The following RPAP2 variants were observed in gnomAD, a reference collection of about 807,000 sequenced individuals.
RPAP2 encodes putative RNA polymerase II subunit B1 CTD phosphatase RPAP2.
RPAP2 carries 52 observed loss-of-function variants against 73.1 expected under a neutral mutation model. That is an observed-to-expected ratio of 0.71 (90% CI 0.57 to 0.90). The LOEUF is 0.90. Ranked by LOEUF, RPAP2 falls within the 40% of genes least tolerant of loss-of-function variation. The probability of loss-of-function intolerance (pLI) is 0.00; values close to 1 mark genes in which losing one functional copy is unlikely to be tolerated. For missense variants in RPAP2, 598 were observed against 701.8 expected (o/e 0.85, Z 1.67); for synonymous variants, 225 against 242.1 (o/e 0.93, Z 0.65).
intron 6 of RPAP2, among the ~76,000 whole-genome samples, chr1:92,314,050 C>T (rs1177822956): frequency 6.6e-6 from 1 of 152,182 alleles, no homozygotes; most frequent in Non-Finnish European, 1.5e-5. Flanking sequence ...CCTATCCAGA[C>T]CACTAAAACT....
At position 92,300,220 on chromosome 1, in the gene RPAP2, CAAG is replaced by C. The variant is rs1489340679; in HGVS notation, c.105_107del (p.Glu35del). 5 of 1,609,876 alleles carry C rather than the reference CAAG, an allele frequency of 3.1e-6. No homozygotes were observed. Among genetic ancestry groups the C allele is most frequent in the Non-Finnish European group, 4.2e-6 (5 of 1,176,650 alleles). The stretch of plus-strand genomic sequence containing the variant: ...TACTAAACAGACAAGTACTTTGAAA[CAAG>C]AAGATGCTTCTAAAAGGTATGACAG... On this transcript the variant is annotated inframe_deletion, in exon 2 of 13. Transcript: ENST00000610020.
intron 10 of RPAP2, among the ~76,000 whole-genome samples, chr1:92,342,700 G>C (rs1031201872): frequency 9.9e-5 from 15 of 152,134 alleles, no homozygotes; most frequent in African/African-American, 3.6e-4. Context: ...GTAATAAGAA[G>C]TGATCAGATC....
chr1:92,304,681 G>A (rs1033387431), intron 5 of RPAP2, among the ~76,000 whole-genome samples: 9 of 152,120 alleles, frequency 5.9e-5, no homozygotes, highest in East Asian at 1.9e-4. Flanking sequence ...ATATGACAGC[G>A]GGAGTATTGT....
chr1:92,369,142 T>TA (rs1179439462), intron 11 of RPAP2, among the ~76,000 whole-genome samples: 1 of 152,244 alleles, frequency 6.6e-6, no homozygotes, highest in Non-Finnish European at 1.5e-5. Flanking sequence ...TGTTTTTACT[T>TA]ACAGCCAATC....
chr1:92,323,464 G>C lies in RPAP2; in HGVS notation c.544G>C (p.Val182Leu). The C allele has an allele frequency of 6.3e-7, 1 of 1,595,912 alleles. No individual in the cohort carries two copies. The highest frequency in any genetic ancestry group is 1.1e-5 in the South Asian group (1 of 88,540). Reference protein sequence around the residue: ...EEQSGHSGEEVQLCSKAIKTS... With the variant: ...EEQSGHSGEELQLCSKAIKTS... Reference sequence around the variant, plus strand: ...CTACAGTGGCCATTCTGGAGAAGAAGTACAGTTATGCAGTAAAGCCATTAA... The same window carrying C: ...CTACAGTGGCCATTCTGGAGAAGAACTACAGTTATGCAGTAAAGCCATTAA... Residue 182 changes from valine to leucine, a missense_variant, in exon 8 of 13, where the codon GTA becomes CTA. Transcript: ENST00000610020.
At chr1:92,375,581 A>G (rs1009543564) in intron 11 of RPAP2, among the ~76,000 whole-genome samples, 3 of 152,184 alleles carry the variant, frequency 2.0e-5, no homozygotes, top group African/African-American at 7.2e-5. Flanking sequence ...CTGTAATCTC[A>G]GCACTTTGGG....
chr1:92,314,900 C>A (rs1052263385), intron 6 of RPAP2, among the ~76,000 whole-genome samples: 11 of 151,470 alleles, frequency 7.3e-5, no homozygotes, highest in Admixed American at 7.2e-4. Flanking sequence ...CAAAAATTAA[C>A]CGGGCATGGT....
chr1:92,331,593 G>A (rs923727619), intron 8 of RPAP2, among the ~76,000 whole-genome samples: 2 of 152,034 alleles, frequency 1.3e-5, no homozygotes, highest in African/African-American at 4.8e-5. Flanking sequence ...TGGACAATTA[G>A]CACCTTAGCA....
intron 11 of RPAP2, among the ~76,000 whole-genome samples, chr1:92,373,889 A>G (rs1655278901): frequency 6.6e-6 from 1 of 151,998 alleles, no homozygotes; most frequent in African/African-American, 2.4e-5. Context: ...ATTGTACTCC[A>G]GTCTGGGCAA....
intron 10 of RPAP2, 41 bp downstream of exon 10, chr1:92,336,468 A>C: frequency 1.5e-6 from 2 of 1,376,084 alleles, no homozygotes; most frequent in Non-Finnish European, 2.1e-6. Flanking sequence ...AATTATTTTG[A>C]CTTTATTTAT....
chr1:92,337,600 C>T (rs982146445), intron 10 of RPAP2, among the ~76,000 whole-genome samples: 4 of 152,092 alleles, frequency 2.6e-5, no homozygotes, highest in Non-Finnish European at 5.9e-5. Flanking sequence ...TTAAAACATT[C>T]TTCTAGAGTC....
chr1:92,320,668 T>A (rs548723352), intron 7 of RPAP2, 34 bp downstream of exon 7: 1 of 1,550,418 alleles, frequency 6.4e-7, no homozygotes, highest in African/African-American at 1.4e-5. Flanking sequence ...ACCATTTATA[T>A]ATTTATGTTA....
rs767184646 is a variant in RPAP2 at position 92,323,675 on chromosome 1, C to T, written c.755C>T (p.Ala252Val). Residue 252 changes from alanine (A) to valine (V), a missense_variant, in exon 8 of 13, where the codon GCT becomes GTT. Around this residue, in one of 3 missense-constraint regions of RPAP2, gnomAD observed 506 missense variants for 612.8 expected, o/e 0.83. Coordinates refer to ENST00000610020, the MANE Select transcript of RPAP2 (RefSeq NM_024813.3). ...CAAAAAAGCATAATGAAAAAGAAAGCTGGTCACAAAGCTAACTCCAAACAC... is the reference window on the plus strand; with the variant it reads ...CAAAAAAGCATAATGAAAAAGAAAGTTGGTCACAAAGCTAACTCCAAACAC... Reference protein sequence around the residue: ...LHQKSIMKKKAGHKANSKHKD... With the variant: ...LHQKSIMKKKVGHKANSKHKD... 6.8e-6 allele frequency: 11 copies of T among 1,613,578 alleles called. No individual in the cohort carries two copies. The highest frequency in any genetic ancestry group is 8.5e-6 in the Non-Finnish European group (10 of 1,179,850).
intron 11 of RPAP2, among the ~76,000 whole-genome samples, chr1:92,370,699 G>GAC (rs1467325630): frequency 4.0e-5 from 6 of 151,534 alleles, no homozygotes; most frequent in Admixed American, 6.6e-5. Flanking sequence ...ACTTTGGTGA[G>GAC]ACTTTAAAAA....
Position 92,380,896 on chromosome 1 carries a change from T to G in RPAP2, c.1838+23T>G, listed in dbSNP as rs1266566142. 5 of 1,533,544 alleles carry G rather than the reference T, an allele frequency of 3.3e-6. No homozygotes were observed. In the African/African-American group the frequency reaches 5.7e-5, roughly 17 times the overall value. The allele number at this position is 1,533,544 out of a possible 1,614,324, so 95.0% of individuals were successfully genotyped here. A position where few individuals can be genotyped will look rare whatever the true frequency, so the allele number is the denominator to read the frequency against. Reference sequence around the variant, plus strand: ...GTGGTAAGTTGGATTGTGTTTTATTTTGGTTTTTATTCTTCATTTGTTGCC... The same window carrying G: ...GTGGTAAGTTGGATTGTGTTTTATTGTGGTTTTTATTCTTCATTTGTTGCC... On this transcript the variant is annotated intron_variant, in intron 12 of 12. Transcript: ENST00000610020.
rs968574321 is a variant in RPAP2 at position 92,390,424 on chromosome 1, C to G, written c.*3413C>G. On this transcript the variant is annotated 3_prime_UTR_variant, in exon 13 of 13. Coordinates refer to ENST00000610020, the MANE Select transcript of RPAP2 (RefSeq NM_024813.3). ...TAAAATGGACAGGAACAACCAGTAC[C>G]AGCCACTGCAAAAACATGCCAAATG... is the stretch of plus-strand genomic sequence containing the variant. 6.6e-6 allele frequency: 1 copy of G among 152,184 alleles called. No individual in the cohort carries two copies. Among genetic ancestry groups the G allele is most frequent in the Non-Finnish European group, 1.5e-5 (1 of 68,042 alleles). The allele number at this position is 152,184 out of a possible 1,614,324, so 9.4% of individuals were successfully genotyped here.
At chr1:92,331,383 CTCTT>C (rs1367281908) in intron 8 of RPAP2, among the ~76,000 whole-genome samples, 2 of 152,166 alleles carry the variant, frequency 1.3e-5, no homozygotes, top group South Asian at 2.1e-4. Context: ...CATCTCACTC[CTCTT>C]TCTATGTGTC....
chr1:92,353,490 A>G (rs1447925075), intron 11 of RPAP2, among the ~76,000 whole-genome samples: 1 of 152,240 alleles, frequency 6.6e-6, no homozygotes, highest in African/African-American at 2.4e-5. Context: ...AATTTCTACT[A>G]TACACGCAAA....
chr1:92,320,279 C>CT (rs886525913), intron 6 of RPAP2, among the ~76,000 whole-genome samples: 27 of 150,998 alleles, frequency 1.8e-4, no homozygotes, highest in African/African-American at 5.8e-4. Context: ...TAATTTTTTT[C>CT]TTTTTTTTTC....
Sources: allele counts gnomAD v4.1 joint callset (sites outside exome capture counted in the v4.1 genomes callset), GRCh38; gene constraint gnomAD v4.1.1; regional missense constraint gnomAD v4.1.1; transcripts MANE v1.5; gene names NCBI Gene and HGNC (gene_info 2026-07-23, HGNC 2026-07-21).